The following ARHGEF11 variants were observed in gnomAD, a reference collection of about 807,000 sequenced individuals.
The protein encoded by ARHGEF11 is Rho guanine exchange factor (GEF) 11.
ARHGEF11 carries 55 observed loss-of-function variants against 193.7 expected under a neutral mutation model. The observed-to-expected ratio is 0.28, with a 90% CI of 0.23 to 0.36. ARHGEF11 has a LOEUF of 0.36. Ranked by LOEUF, ARHGEF11 falls within the 10% of genes least tolerant of loss-of-function variation. The pLI, the probability that ARHGEF11 is intolerant of heterozygous loss-of-function variation, is 1.00. For missense variants in ARHGEF11, 1,723 were observed against 2,005.6 expected (o/e 0.86, Z 2.69); for synonymous variants, 693 against 768.0 (o/e 0.90, Z 1.62).
intron 1 of ARHGEF11, among the ~76,000 whole-genome samples, chr1:157,025,253 G>C (rs890849238): frequency 2.6e-5 from 4 of 152,174 alleles, no homozygotes; most frequent in African/African-American, 4.8e-5. Flanking sequence ...CTGCTTCCAG[G>C]TTCTTAGGTC....
At chr1:157,011,428 G>T (rs1332909126) in intron 1 of ARHGEF11, among the ~76,000 whole-genome samples, 1 of 152,054 alleles carries the variant, frequency 6.6e-6, no homozygotes, top group East Asian at 1.9e-4. Flanking sequence ...TTAGGCAGTG[G>T]TTTTCTAGAT....
chr1:156,971,243 G>C (rs1456479645), intron 8 of ARHGEF11, among the ~76,000 whole-genome samples: 1 of 152,098 alleles, frequency 6.6e-6, no homozygotes. Flanking sequence ...ACAGACTGGG[G>C]GTCTTTTATG....
chr1:156,962,694 C>T lies in ARHGEF11; in HGVS notation c.1140+509G>A, dbSNP rs547754685. Among the ~76,000 whole-genome samples the T allele has an allele frequency of 2.0e-4, 31 of 151,644 alleles. No individual in the cohort carries two copies. The East Asian group carries it at 2.7e-3, about 13-fold the overall frequency. ...GAGATCGAGACCATCCTGGCTAATA[C>T]GGTGAAACCCCGTCTCTACTAAAAA... On this transcript the variant is annotated intron_variant, in intron 13 of 40. Transcript: ENST00000368194.
At chr1:156,962,469 T>C (rs1273223360) in intron 13 of ARHGEF11, among the ~76,000 whole-genome samples, 1 of 152,162 alleles carries the variant, frequency 6.6e-6, no homozygotes, top group African/African-American at 2.4e-5. Flanking sequence ...TCCCTTCACA[T>C]TCCTTCTTGT....
chr1:156,980,849 A>G lies in ARHGEF11; in HGVS notation c.224-363T>C, dbSNP rs201924914. ...GTTATATTCCGGGGGGGGGGGGGGA[A>G]ATGAGTTTACTGTATGAAACATAAT... On this transcript the variant is annotated intron_variant, in intron 3 of 40. Transcript: ENST00000368194. Among the ~76,000 whole-genome samples, 193 of 86,378 alleles carry G rather than the reference A, an allele frequency of 2.2e-3. 4 individuals are homozygous for G. The highest frequency in any genetic ancestry group is 0.012 in the East Asian group (21 of 1,758). 56.7% of individuals were successfully genotyped at this position (86,378 alleles called of 152,430 possible).
intron 1 of ARHGEF11, among the ~76,000 whole-genome samples, chr1:157,002,940 T>C (rs1320914432): frequency 6.6e-6 from 1 of 152,208 alleles, no homozygotes; most frequent in African/African-American, 2.4e-5. Flanking sequence ...ATGGGGATAA[T>C]AATAGAGAGA....
rs1375223841 is a variant in ARHGEF11 at position 156,951,555 on chromosome 1, C to G, written c.1925+18G>C. On this transcript the variant is annotated intron_variant, in intron 22 of 40. Transcript: ENST00000368194. ...CCACTCTTCGAGCAGCTGGCGAGTC[C>G]CATCCAGCCAGTGCTACCTGTCACT... 1 of 1,613,160 alleles carries G rather than the reference C, an allele frequency of 6.2e-7. No individual in the cohort carries two copies. Among genetic ancestry groups the G allele is most frequent in the South Asian group, 1.1e-5 (1 of 91,008 alleles).
rs1369508971 is a variant in ARHGEF11 at position 156,940,223 on chromosome 1, G to A, written c.3717C>T (p.Asp1239=). 1.3e-5 allele frequency: 21 copies of A among 1,589,378 alleles called. No homozygotes were observed. The highest frequency in any genetic ancestry group is 1.6e-5 in the Non-Finnish European group (19 of 1,164,532). The change falls in exon 36 of 41, where the codon GAC becomes GAT. Residue 1239 remains aspartate (D), a synonymous_variant. Transcript: ENST00000368194. Reference sequence around the variant, plus strand: ...AGCACTCACCATCTTCCAGAGCGGAGTCAGCGAGCCCTTCCATGAACAGAG... The same window carrying A: ...AGCACTCACCATCTTCCAGAGCGGAATCAGCGAGCCCTTCCATGAACAGAG... The part of the protein sequence containing the change: ...PGPLFMEGLA[D]SALEDVENLR...
At chr1:157,031,002 A>T (rs1671239675) in intron 1 of ARHGEF11, among the ~76,000 whole-genome samples, 1 of 149,320 alleles carries the variant, frequency 6.7e-6, no homozygotes, top group South Asian at 2.1e-4. Context: ...CCCTCCTTTA[A>T]TCCTGTCACA....
At chr1:156,950,327 G>C (rs932356128) in intron 22 of ARHGEF11, among the ~76,000 whole-genome samples, 1 of 152,188 alleles carries the variant, frequency 6.6e-6, no homozygotes, top group African/African-American at 2.4e-5. Context: ...CTTATGGTTT[G>C]ATAATTAGTT....
intron 1 of ARHGEF11, among the ~76,000 whole-genome samples, chr1:156,998,237 G>A (rs1021864044): frequency 6.6e-6 from 1 of 152,154 alleles, no homozygotes; most frequent in African/African-American, 2.4e-5. Flanking sequence ...CACTGCCCTA[G>A]GCTGTGCACC....
In ARHGEF11 at chr1:156,954,925, A is replaced by G. The variant is rs1261176175; in HGVS notation, c.1769-4T>C. 6.2e-7 allele frequency: 1 copy of G among 1,605,204 alleles called. No homozygotes were observed. Among genetic ancestry groups the G allele is most frequent in the African/African-American group, 1.3e-5 (1 of 74,574 alleles). On this transcript the variant is annotated splice_region_variant and splice_polypyrimidine_tract_variant and intron_variant, in intron 20 of 40. Transcript: ENST00000368194. ...GGGGACAAGGGAATATGAAATGCTA[A>G]AAGAAAAACAAACAAAAACAAAAGT...
At chr1:157,007,254 T>A (rs748233598) in intron 1 of ARHGEF11, among the ~76,000 whole-genome samples, 1 of 151,782 alleles carries the variant, frequency 6.6e-6, no homozygotes, top group Admixed American at 6.6e-5. Context: ...AGCAAGAGAA[T>A]GAGAGAATAA....
At chr1:156,983,157 C>G (rs552302579) in intron 3 of ARHGEF11, among the ~76,000 whole-genome samples, 3 of 152,206 alleles carry the variant, frequency 2.0e-5, no homozygotes, top group African/African-American at 7.2e-5. Flanking sequence ...AAGTTCACTC[C>G]TTTTAGGGAC....
intron 32 of ARHGEF11, among the ~76,000 whole-genome samples, chr1:156,943,236 T>A (rs1657445019): frequency 6.6e-6 from 1 of 152,102 alleles, no homozygotes; most frequent in Admixed American, 6.6e-5. Flanking sequence ...AATTTTTGTA[T>A]TTTTAGTAGA....
chr1:156,964,330 T>C (rs1422941340), intron 11 of ARHGEF11, among the ~76,000 whole-genome samples: 8 of 152,258 alleles, frequency 5.3e-5, no homozygotes, highest in Non-Finnish European at 8.8e-5. Context: ...ACTTCTCAGA[T>C]GCTTCACTGA....
chr1:156,958,851 G>T lies in ARHGEF11; in HGVS notation c.1393C>A (p.Leu465Met). 1 of 1,614,238 alleles carries T rather than the reference G, an allele frequency of 6.2e-7. No homozygotes were observed. Among genetic ancestry groups the T allele is most frequent in the African/African-American group, 1.3e-5 (1 of 75,074 alleles). Reference sequence around the variant, plus strand: ...TCACCATACAGGCTGCCCAGCCCCAGTGTGCGCTTCGTTCTAAGCCAGATA... The same window carrying T: ...TCACCATACAGGCTGCCCAGCCCCATTGTGCGCTTCGTTCTAAGCCAGATA... The part of the protein sequence containing the change: ...QIHDYRTKRT[L>M]GLGSLYGEND... Residue 465 changes from leucine (L) to methionine (M), a missense_variant, in exon 17 of 41, where the codon CTG becomes ATG. Coordinates refer to ENST00000368194, the MANE Select transcript of ARHGEF11 (RefSeq NM_198236.3).
In ARHGEF11 at chr1:156,947,281, C is replaced by T. The variant is rs1485521757; in HGVS notation, c.2488+23G>A. 9 of 1,587,052 alleles carry T rather than the reference C, an allele frequency of 5.7e-6. No individual in the cohort carries two copies. The East Asian group carries it at 1.8e-4, about 32-fold the overall frequency. On this transcript the variant is annotated intron_variant, in intron 26 of 40. Transcript: ENST00000368194. ...AGCTGAAGGGCAGCAGAAGAGGAGT[C>T]TGGAGGGGCACAGGCTCCTTACTGT...
rs1405804525 is a variant in ARHGEF11, at chr1:156,948,897, C to T, written c.1926-399G>A. On this transcript the variant is annotated intron_variant, in intron 22 of 40. Coordinates refer to ENST00000368194, the MANE Select transcript of ARHGEF11 (RefSeq NM_198236.3). The surrounding 1 kb of genome is among the most constrained non-coding windows in gnomAD (Gnocchi z 4.2). ...GGGAACACAAGGTCCCAGCTCCCTG[C>T]CCCTAGTGGCCAGTTCACGTTGCCT... 2 of 985,316 alleles carry T rather than the reference C, an allele frequency of 2.0e-6. No homozygotes were observed. The highest frequency in any genetic ancestry group is 6.1e-5 in the Admixed American group (1 of 16,268). The allele number at this position is 985,316 out of a possible 1,614,324, so 61.0% of individuals were successfully genotyped here.
Sources: allele counts gnomAD v4.1 joint callset (sites outside exome capture counted in the v4.1 genomes callset), GRCh38; gene constraint gnomAD v4.1.1; non-coding constraint Gnocchi (gnomAD v3.1); transcripts MANE v1.5; gene names NCBI Gene and HGNC (gene_info 2026-07-23, HGNC 2026-07-21).